Variants in FERMT2 observed in about 807,000 individuals in gnomAD.
The protein encoded by FERMT2 is FERM domain containing kindlin 2, also known as fermitin family homolog 2.
A neutral mutation model predicts 82.7 loss-of-function variants in FERMT2; 15 were observed. The ratio of observed to expected loss-of-function variants is 0.18; its 90% CI spans 0.12 to 0.28. The LOEUF (loss-of-function observed/expected upper bound fraction) is 0.28. Ranked by LOEUF, FERMT2 falls within the 10% of genes least tolerant of loss-of-function variation. FERMT2 has a pLI of 1.00. For missense variants in FERMT2, 645 were observed against 809.4 expected (o/e 0.80, Z 2.46); for synonymous variants, 274 against 271.5 (o/e 1.01, Z -0.09).
In FERMT2 at chr14:52,897,704, C is replaced by T. The variant is rs139157150; in HGVS notation, c.392-4277G>A. On this transcript the variant is annotated intron_variant, in intron 3 of 14. Transcript: ENST00000341590. Reference sequence around the variant, plus strand: ...ACTCTTAGAAACACTCGGCCAGGCACGACGGCTCACGCCTGTAATCCCAGC... The same window carrying T: ...ACTCTTAGAAACACTCGGCCAGGCATGACGGCTCACGCCTGTAATCCCAGC... Among the ~76,000 whole-genome samples, 25 of 152,172 alleles carry T rather than the reference C, an allele frequency of 1.6e-4. No individual in the cohort carries two copies. In the East Asian group the frequency reaches 3.9e-3, roughly 23 times the overall value.
intron 10 of FERMT2, among the ~76,000 whole-genome samples, chr14:52,871,304 G>A (rs1480302992): frequency 6.6e-6 from 1 of 152,096 alleles, no homozygotes; most frequent in Non-Finnish European, 1.5e-5. Context: ...TACAGTGAGA[G>A]GACTGTGGAA....
At chr14:52,892,779 T>C (rs1319086546) in intron 4 of FERMT2, among the ~76,000 whole-genome samples, 1 of 152,158 alleles carries the variant, frequency 6.6e-6, no homozygotes, top group East Asian at 1.9e-4. Flanking sequence ...TAAGGAATAA[T>C]GCATTAACCA....
In FERMT2 at chr14:52,857,617, T is replaced by TA; in HGVS notation, c.*759dup. On this transcript the variant is annotated 3_prime_UTR_variant, in exon 15 of 15. Transcript: ENST00000341590. Reference sequence around the variant, plus strand: ...CCATCTGCTAGTTGTGAGTAGTTTTTAAAAAACTGTACAATTTTATAAAAT... The same window carrying TA: ...CCATCTGCTAGTTGTGAGTAGTTTTTAAAAAAACTGTACAATTTTATAAAAT... 1 of 152,758 alleles carries TA rather than the reference T, an allele frequency of 6.5e-6. No individual in the cohort carries two copies. Among genetic ancestry groups the TA allele is most frequent in the Non-Finnish European group, 1.5e-5 (1 of 68,028 alleles). The allele number at this position is 152,758 out of a possible 1,614,324, so 9.5% of individuals were successfully genotyped here. A position where few individuals can be genotyped will look rare whatever the true frequency, so the allele number is the denominator to read the frequency against.
chr14:52,938,378 G>C (rs1308123904), intron 2 of FERMT2, among the ~76,000 whole-genome samples: 1 of 152,170 alleles, frequency 6.6e-6, no homozygotes, highest in African/African-American at 2.4e-5. Flanking sequence ...TCTTAGTATA[G>C]TCATTCTACT....
chr14:52,944,466 GGGTATAA>G lies in FERMT2; in HGVS notation c.157+5939_157+5945del, dbSNP rs1220977643. On this transcript the variant is annotated intron_variant, in intron 2 of 14. Transcript: ENST00000341590. ...ACCTTCCCCAGGGAGCACTAAGCCAGGGTATAAGGGAGCTGTCCAGTTACGTATGCCT... is the reference window on the plus strand; with the variant it reads ...ACCTTCCCCAGGGAGCACTAAGCCAGGGGAGCTGTCCAGTTACGTATGCCT... Among the ~76,000 whole-genome samples the G allele has an allele frequency of 2.6e-5, 4 of 152,314 alleles. No homozygotes were observed. The East Asian group carries it at 7.7e-4, about 29-fold the overall frequency.
intron 12 of FERMT2, 173 bp from the exon 13 acceptor site, chr14:52,860,638 G>A (rs1884871920): frequency 4.9e-6 from 3 of 609,838 alleles, no homozygotes; most frequent in East Asian, 6.0e-5. Flanking sequence ...TAATGTATAA[G>A]GATTTTTCAA....
intron 2 of FERMT2, among the ~76,000 whole-genome samples, chr14:52,937,070 G>A (rs886352515): frequency 3.3e-5 from 5 of 152,086 alleles, no homozygotes; most frequent in Non-Finnish European, 7.4e-5. Context: ...GCTGAGGCAC[G>A]AGAATTGCTT....
At chr14:52,899,344 A>T (rs1027180440) in intron 3 of FERMT2, among the ~76,000 whole-genome samples, 1 of 152,036 alleles carries the variant, frequency 6.6e-6, no homozygotes, top group Admixed American at 6.6e-5. Context: ...GTGCAGTGCC[A>T]CAATCTCAGC....
chr14:52,904,132 G>T (rs982169147), intron 3 of FERMT2, among the ~76,000 whole-genome samples: 1 of 152,152 alleles, frequency 6.6e-6, no homozygotes, highest in African/African-American at 2.4e-5. Flanking sequence ...TGTAATCCCA[G>T]CACTTTGGGA....
chr14:52,865,907 CCT>C (rs1315771483), intron 10 of FERMT2, among the ~76,000 whole-genome samples: 2 of 152,138 alleles, frequency 1.3e-5, no homozygotes, highest in Non-Finnish European at 2.9e-5. Context: ...TAGATTCCCC[CCT>C]GCCCTTTGTT....
chr14:52,877,574 CTTTTTTT>C (rs34676786), intron 7 of FERMT2, among the ~76,000 whole-genome samples: 41 of 67,066 alleles, frequency 6.1e-4, no homozygotes, highest in African/African-American at 6.1e-4. Context: ...GCTGTTCTTG[CTTTTTTT>C]TTTTTTTTTT....
intron 2 of FERMT2, among the ~76,000 whole-genome samples, chr14:52,936,110 C>T (rs1889826307): frequency 1.3e-5 from 2 of 152,136 alleles, no homozygotes; most frequent in South Asian, 2.1e-4. Context: ...CTGACAAATT[C>T]TAAGAGAGTA....
At chr14:52,949,542 A>C (rs146377927) in intron 2 of FERMT2, among the ~76,000 whole-genome samples, 1 of 152,166 alleles carries the variant, frequency 6.6e-6, no homozygotes, top group South Asian at 2.1e-4. Context: ...GCTCAGGAAG[A>C]TAGTTCTCTG....
chr14:52,883,593 T>A (rs1886413854), intron 4 of FERMT2, among the ~76,000 whole-genome samples: 1 of 152,228 alleles, frequency 6.6e-6, no homozygotes, highest in Admixed American at 6.5e-5. Flanking sequence ...CAAGTTAGAA[T>A]GGACAATTTG....
At chr14:52,859,744 A>G (rs1284141024) in intron 13 of FERMT2, 30 bp from the exon 14 acceptor site, 1 of 1,426,302 alleles carries the variant, frequency 7.0e-7, no homozygotes, top group African/African-American at 1.4e-5. Context: ...AACGGTTAAA[A>G]ACATGTTGTG....
intron 3 of FERMT2, among the ~76,000 whole-genome samples, chr14:52,893,911 C>T (rs543789960): frequency 6.6e-6 from 1 of 151,888 alleles, no homozygotes; most frequent in East Asian, 1.9e-4. Context: ...TCGCCACAAC[C>T]TCCACCTCCC....
At chr14:52,886,145 C>A (rs1400055702) in intron 4 of FERMT2, among the ~76,000 whole-genome samples, 1 of 151,812 alleles carries the variant, frequency 6.6e-6, no homozygotes, top group African/African-American at 2.4e-5. Flanking sequence ...TGCAAAATAA[C>A]CGAGATACTA....
At chr14:52,884,571 A>G (rs1456935874) in intron 4 of FERMT2, among the ~76,000 whole-genome samples, 4 of 151,954 alleles carry the variant, frequency 2.6e-5, no homozygotes, top group Non-Finnish European at 5.9e-5. Flanking sequence ...ATTGCACTCC[A>G]GCCTGGGTGA....
intron 3 of FERMT2, among the ~76,000 whole-genome samples, chr14:52,912,593 C>T (rs1888385122): frequency 6.6e-6 from 1 of 151,738 alleles, no homozygotes; most frequent in South Asian, 2.1e-4. Context: ...TCACTGCGAC[C>T]TCCACCTCCC....
Sources: allele counts gnomAD v4.1 joint callset (sites outside exome capture counted in the v4.1 genomes callset), GRCh38; gene constraint gnomAD v4.1.1; transcripts MANE v1.5; gene names NCBI Gene and HGNC (gene_info 2026-07-23, HGNC 2026-07-21).